Variants in TPM4 observed in about 807,000 individuals in gnomAD.
TPM4 encodes the protein tropomyosin alpha-4 chain.
Under a neutral mutation model 35.8 loss-of-function variants are expected in TPM4, and 17 were observed. The ratio of observed to expected loss-of-function variants is 0.47; its 90% CI spans 0.32 to 0.71. The LOEUF is 0.71. Ranked by LOEUF, TPM4 falls within the 30% of genes least tolerant of loss-of-function variation. TPM4 has a pLI of 0.03. For missense variants in TPM4, 240 were observed against 320.9 expected, an observed-to-expected ratio of 0.75 and a Z score of 1.93; for synonymous variants, 120 against 122.9, an observed-to-expected ratio of 0.98 and a Z score of 0.15.
rs2090773481 is a variant in TPM4, at chr19:16,102,543, A to T, written c.*1197A>T. The T allele has an allele frequency of 4.4e-6, 1 of 226,612 alleles. No individual in the cohort carries two copies. Among genetic ancestry groups the T allele is most frequent in the Non-Finnish European group, 8.8e-6 (1 of 113,842 alleles). The allele number at this position is 226,612 out of a possible 1,614,324, so 14.0% of individuals were successfully genotyped here. On this transcript the variant is annotated 3_prime_UTR_variant, in exon 8 of 8. Coordinates refer to ENST00000643579, the MANE Select transcript of TPM4 (RefSeq NM_003290.3). The stretch of plus-strand genomic sequence containing the variant: ...GCAGCAGAGATTAAAAACTGGCCCA[A>T]CTTCATTTCCATACTTCAGGGAACA...
Position 16,093,575 on chromosome 19 carries a change from C to T in TPM4, c.571C>T (p.Leu191Phe). The T allele has an allele frequency of 1.2e-6, 2 of 1,614,190 alleles. No homozygotes were observed. Among genetic ancestry groups the T allele is most frequent in the South Asian group, 2.2e-5 (2 of 91,080 alleles). ...GGACAAATATGAAGAAGAAATTAAACTTCTGTCTGACAAACTGAAAGAGGT... is the reference window on the plus strand; with the variant it reads ...GGACAAATATGAAGAAGAAATTAAATTTCTGTCTGACAAACTGAAAGAGGT... ...KEDKYEEEIK[L>F]LSDKLKEAET... Residue 191 changes from leucine to phenylalanine, a missense_variant, in exon 6 of 8, where the codon CTT becomes TTT. Leu to Phe is a conservative substitution (Grantham distance 22). Coordinates refer to ENST00000643579, the MANE Select transcript of TPM4 (RefSeq NM_003290.3).
At chr19:16,093,382 G>A (rs1181418132) in intron 5 of TPM4, among the ~76,000 whole-genome samples, 154 bp from the exon 6 acceptor site, 4 of 151,936 alleles carry the variant, frequency 2.6e-5, no homozygotes, top group Non-Finnish European at 4.4e-5. Context: ...TTTTAGTAGA[G>A]ACGGGGTTTC....
intron 7 of TPM4, among the ~76,000 whole-genome samples, chr19:16,096,804 A>G (rs1384313355): frequency 1.3e-5 from 2 of 152,168 alleles, no homozygotes; most frequent in Admixed American, 6.6e-5. Context: ...GCTAACATCA[A>G]TCTCCATTCA....
intron 1 of TPM4, chr19:16,076,925 G>A (rs1043046208): frequency 1.0e-6 from 1 of 979,306 alleles, no homozygotes; most frequent in African/African-American, 1.7e-5. Context: ...CCGCCTCCGG[G>A]TCGGGCGGGG....
Position 16,086,456 on chromosome 19 carries a change from G to A in TPM4, c.300G>A (p.Lys100=). The change falls in exon 3 of 8, where the codon AAG becomes AAA. Residue 100 remains lysine, a synonymous_variant. Coordinates refer to ENST00000643579, the MANE Select transcript of TPM4 (RefSeq NM_003290.3). ...GMKVIENRAM[K]DEEKMEIQEM... Reference sequence around the variant, plus strand: ...AGGTGATAGAAAACCGGGCCATGAAGGATGAGGAGAAGATGGAGATTCAGG... The same window carrying A: ...AGGTGATAGAAAACCGGGCCATGAAAGATGAGGAGAAGATGGAGATTCAGG... 6.2e-7 allele frequency: 1 copy of A among 1,613,748 alleles called. No homozygotes were observed. The highest frequency in any genetic ancestry group is 1.1e-5 in the South Asian group (1 of 91,060).
At chr19:16,099,194 C>T (rs1031611956) in intron 7 of TPM4, among the ~76,000 whole-genome samples, 9 of 152,078 alleles carry the variant, frequency 5.9e-5, no homozygotes, top group Non-Finnish European at 1.0e-4. Flanking sequence ...ATTCTCCTGC[C>T]TCAGCCTCCT....
At chr19:16,099,968 A>G (rs1372587535) in intron 7 of TPM4, 1 of 152,190 alleles carries the variant, frequency 6.6e-6, no homozygotes, top group East Asian at 1.9e-4. Flanking sequence ...AGAAGCTCCG[A>G]AGGAAAGATG....
chr19:16,068,001 G>T, intron 2 of TPM4: 1 of 488,498 alleles, frequency 2.0e-6, no homozygotes, highest in Non-Finnish European at 3.6e-6. Flanking sequence ...GGGAGGGAGA[G>T]TGAGAACGTT....
intron 2 of TPM4, among the ~76,000 whole-genome samples, chr19:16,068,196 G>A (rs573474280): frequency 6.6e-6 from 1 of 151,218 alleles, no homozygotes; most frequent in Non-Finnish European, 1.5e-5. Flanking sequence ...GTGTGTGTTT[G>A]AGACAGAGTC....
intron 3 of TPM4, among the ~76,000 whole-genome samples, chr19:16,086,759 C>T (rs1422703993): frequency 6.6e-6 from 1 of 152,242 alleles, no homozygotes; most frequent in Non-Finnish European, 1.5e-5. Context: ...ATGGGAAAAC[C>T]GAATGATCAG....
intron 7 of TPM4, among the ~76,000 whole-genome samples, chr19:16,097,962 TCA>T (rs1239755909): frequency 2.0e-5 from 3 of 152,118 alleles, no homozygotes; most frequent in Admixed American, 2.0e-4. Flanking sequence ...ACCATTCCCC[TCA>T]CACATTGCCA....
intron 4 of TPM4, 103 bp from the exon 5 acceptor site, chr19:16,088,942 A>T: frequency 6.4e-7 from 1 of 1,567,594 alleles, no homozygotes. Context: ...CCACCGGGGG[A>T]GCTGTGTAGG....
chr19:16,079,612 C>CT (rs1476071003), intron 1 of TPM4: 3 of 223,258 alleles, frequency 1.3e-5, no homozygotes, highest in Non-Finnish European at 2.7e-5. Flanking sequence ...CTTCCTGACT[C>CT]TATTTGTGTA....
chr19:16,087,990 G>A, intron 3 of TPM4, 37 bp from the exon 4 acceptor site: 1 of 1,589,670 alleles, frequency 6.3e-7, no homozygotes, highest in Non-Finnish European at 8.6e-7. Context: ...CACGGCTGGT[G>A]GGGATCGGGC....
chr19:16,086,666 A>G, intron 3 of TPM4, 126 bp downstream of exon 3: 3 of 739,956 alleles, frequency 4.1e-6, no homozygotes, highest in Non-Finnish European at 6.8e-6. Flanking sequence ...CTGCGTGAAC[A>G]TATGTTTGTC....
At chr19:16,073,942 AAAAAAAAAAAAAAAAAAACGC>A (rs1302532897), upstream of TPM4, among the ~76,000 whole-genome samples, 8 of 97,470 alleles carry the variant, frequency 8.2e-5, no homozygotes, top group African/African-American at 3.0e-4. Context: ...ACCATGTAAA[AAAAAAAAAAAAAAAAAAACGC>A]AAAAAAAAAA....
chr19:16,099,068 CTCTGTG>C (rs2090734231), intron 7 of TPM4, among the ~76,000 whole-genome samples: 1 of 92,304 alleles, frequency 1.1e-5, no homozygotes, highest in Non-Finnish European at 2.2e-5. Flanking sequence ...AGTCACTTGA[CTCTGTG>C]TGTGTGTGTG....
At chr19:16,075,750 G>A (rs557044513), upstream of TPM4, 187 of 305,478 alleles carry the variant, frequency 6.1e-4, no homozygotes, top group African/African-American at 3.9e-3. Flanking sequence ...TGTATTTCTG[G>A]AAAACATTTG....
At chr19:16,082,865 G>A (rs1036550991) in intron 2 of TPM4, among the ~76,000 whole-genome samples, 5 of 151,712 alleles carry the variant, frequency 3.3e-5, no homozygotes, top group African/African-American at 7.3e-5. Flanking sequence ...GGTGGTGCAC[G>A]CCTGTACTCC....
Sources: gnomAD v4.1 joint callset for allele counts (sites outside exome capture counted in the v4.1 genomes callset) on GRCh38, gnomAD v4.1.1 for gene constraint, MANE v1.5 for transcripts, NCBI Gene and HGNC (gene_info 2026-07-23, HGNC 2026-07-21) for gene names.